Variants in ELOVL6 observed in about 807,000 individuals in gnomAD.
The protein encoded by ELOVL6 is ELOVL fatty acid elongase 6.
A neutral mutation model predicts 31.7 loss-of-function variants in ELOVL6; 8 were observed. That is an observed-to-expected ratio of 0.25 (90% CI 0.15 to 0.45). ELOVL6 has a LOEUF of 0.45. Ranked by LOEUF, ELOVL6 falls within the 20% of genes least tolerant of loss-of-function variation. The pLI is 1.00. For synonymous variants in ELOVL6, 101 were observed against 117.7 expected, an observed-to-expected ratio of 0.86 and a Z score of 0.92; for missense variants, 126 against 326.4, an observed-to-expected ratio of 0.39 and a Z score of 4.73.
chr4:110,141,791 ATACTAATACAATG>A (rs1757967296), intron 1 of ELOVL6, among the ~76,000 whole-genome samples: 1 of 146,350 alleles, frequency 6.8e-6, no homozygotes, highest in East Asian at 2.0e-4. Flanking sequence ...ATATGTATAT[ATACTAATACAATG>A]TACTAATACA....
chr4:110,196,347 G>A (rs1175862552), intron 1 of ELOVL6, among the ~76,000 whole-genome samples: 2 of 152,298 alleles, frequency 1.3e-5, no homozygotes, highest in South Asian at 2.1e-4. Flanking sequence ...TGGAGGATAT[G>A]ACAAACATGT....
At chr4:110,083,312 C>T (rs1358250544) in intron 2 of ELOVL6, among the ~76,000 whole-genome samples, 1 of 151,642 alleles carries the variant, frequency 6.6e-6, no homozygotes, top group Non-Finnish European at 1.5e-5. Flanking sequence ...TGAAAGAAGT[C>T]CTCTCAGAAG....
intron 2 of ELOVL6, among the ~76,000 whole-genome samples, chr4:110,082,042 A>C (rs1755874131): frequency 1.4e-5 from 2 of 147,652 alleles, no homozygotes; most frequent in African/African-American, 2.5e-5. Flanking sequence ...AACCACAATG[A>C]GATACCGTCT....
intron 1 of ELOVL6, among the ~76,000 whole-genome samples, chr4:110,162,427 C>A (rs1190826085): frequency 6.6e-6 from 1 of 152,150 alleles, no homozygotes; most frequent in South Asian, 2.1e-4. Flanking sequence ...CTCACTGTAG[C>A]CTTGAGCTCT....
At chr4:110,097,796 G>GA (rs11284609) in intron 2 of ELOVL6, among the ~76,000 whole-genome samples, 127 of 138,650 alleles carry the variant, frequency 9.2e-4, no homozygotes, top group East Asian at 2.8e-3. Flanking sequence ...TCTGCCTTCA[G>GA]AAAAAAAAAA....
At chr4:110,170,621 C>T (rs1758916515) in intron 1 of ELOVL6, among the ~76,000 whole-genome samples, 1 of 152,144 alleles carries the variant, frequency 6.6e-6, no homozygotes, top group African/African-American at 2.4e-5. Context: ...TGTGCTTTTT[C>T]ATGATTTCCC....
At chr4:110,165,337 T>C (rs1449547842) in intron 1 of ELOVL6, among the ~76,000 whole-genome samples, 1 of 152,200 alleles carries the variant, frequency 6.6e-6, no homozygotes, top group Non-Finnish European at 1.5e-5. Flanking sequence ...TTCCTGATTT[T>C]GTGGTTCCTT....
At chr4:110,151,137 G>T (rs539990905) in intron 1 of ELOVL6, among the ~76,000 whole-genome samples, 355 of 151,364 alleles carry the variant, frequency 2.3e-3, no homozygotes, top group Non-Finnish European at 3.7e-3. Context: ...CATGACTAAA[G>T]ATTTCAATAT....
intron 1 of ELOVL6, among the ~76,000 whole-genome samples, chr4:110,190,662 G>A (rs774543917): frequency 2.6e-5 from 4 of 151,858 alleles, no homozygotes; most frequent in East Asian, 3.9e-4. Context: ...CCGCCACCAC[G>A]CCCGGCTAAT....
chr4:110,093,108 G>A (rs1296181237), intron 2 of ELOVL6: 5 of 451,890 alleles, frequency 1.1e-5, no homozygotes, highest in African/African-American at 8.0e-5. Flanking sequence ...AATCTTACAT[G>A]TCAGCTGTTT....
chr4:110,064,688 A>T (rs891453909), intron 2 of ELOVL6, among the ~76,000 whole-genome samples: 1 of 151,900 alleles, frequency 6.6e-6, no homozygotes, highest in Non-Finnish European at 1.5e-5. Flanking sequence ...GGGTCTCATC[A>T]TCTTGCCCAG....
intron 1 of ELOVL6, among the ~76,000 whole-genome samples, chr4:110,166,220 A>T (rs1758768702): frequency 6.6e-6 from 1 of 152,104 alleles, no homozygotes; most frequent in Non-Finnish European, 1.5e-5. Flanking sequence ...TTTCCTTCAA[A>T]TGTTGTTGTC....
At position 110,048,751 on chromosome 4, in the gene ELOVL6, A is replaced by T. The variant is rs1754762089; in HGVS notation, c.*2587T>A. The T allele has an allele frequency of 1.3e-5, 2 of 152,216 alleles. No homozygotes were observed. Among genetic ancestry groups the T allele is most frequent in the African/African-American group, 2.4e-5 (1 of 41,452 alleles). 9.4% of individuals were successfully genotyped at this position (152,216 alleles called of 1,614,324 possible). The stretch of plus-strand genomic sequence containing the variant: ...TGGCTTTTTTCCTCCCATGATAAAC[A>T]TTGGAAATGCCTTTAGATATATTTA... On this transcript the variant is annotated 3_prime_UTR_variant, in exon 4 of 4. Coordinates refer to ENST00000302274, the MANE Select transcript of ELOVL6 (RefSeq NM_024090.3).
At chr4:110,117,876 T>G (rs1172376733) in intron 1 of ELOVL6, 3 of 5,568 alleles carry the variant, frequency 5.4e-4, no homozygotes, top group African/African-American at 1.2e-3. Flanking sequence ...AGTGAGACTC[T>G]GTCTCAAAAA....
At chr4:110,198,160 C>T (rs1759875590) in intron 1 of ELOVL6, 87 bp downstream of exon 1, 2 of 838,986 alleles carry the variant, frequency 2.4e-6, no homozygotes, top group South Asian at 1.3e-5. Context: ...GCTCCATTCA[C>T]GCCCAGGCAG....
chr4:110,084,336 A>ACATATATGATATATGATATATACCG (rs1404338154), intron 2 of ELOVL6, among the ~76,000 whole-genome samples: 2 of 125,282 alleles, frequency 1.6e-5, no homozygotes, highest in African/African-American at 3.0e-5. Flanking sequence ...GATATATATC[A>ACATATATGATATATGATATATACCG]CATATATGAT....
At chr4:110,153,239 T>C (rs1323127670) in intron 1 of ELOVL6, among the ~76,000 whole-genome samples, 1 of 152,194 alleles carries the variant, frequency 6.6e-6, no homozygotes, top group Non-Finnish European at 1.5e-5. Flanking sequence ...GAATTATAAT[T>C]ACAGTAAAAT....
At chr4:110,186,822 A>AAAAAAAT (rs1553963193) in intron 1 of ELOVL6, among the ~76,000 whole-genome samples, 3 of 59,432 alleles carry the variant, frequency 5.0e-5, no homozygotes, top group Admixed American at 2.4e-4. Context: ...AAAAAAAAAA[A>AAAAAAAT]ATATATATAT....
intron 2 of ELOVL6, among the ~76,000 whole-genome samples, chr4:110,067,947 T>C (rs1755353654): frequency 1.3e-5 from 2 of 152,218 alleles, no homozygotes; most frequent in African/African-American, 4.8e-5. Context: ...AAAAAAATGA[T>C]ACCTTAAAAG....
Sources: allele counts gnomAD v4.1 joint callset (sites outside exome capture counted in the v4.1 genomes callset), GRCh38; gene constraint gnomAD v4.1.1; transcripts MANE v1.5; gene names NCBI Gene and HGNC (gene_info 2026-07-23, HGNC 2026-07-21).